Variants in RASSF3 observed in about 807,000 individuals in gnomAD.
The protein encoded by RASSF3 is Ras association domain family member 3, also known as ras association domain-containing protein 3.
In RASSF3, 19 loss-of-function variants were observed where a neutral mutation model predicts 19.9. The ratio of observed to expected loss-of-function variants is 0.96; its 90% CI spans 0.67 to 1.40. The LOEUF is 1.40. Among genes scored for constraint, RASSF3 ranks in the 40% most tolerant of loss-of-function variants. The pLI is 0.00. For synonymous variants in RASSF3, 110 were observed against 104.2 expected, an observed-to-expected ratio of 1.06 and a Z score of -0.34; for missense variants, 306 against 289.8, an observed-to-expected ratio of 1.06 and a Z score of -0.41.
chr12:64,561,867 A>G (rs1242911809), intron 2 of RASSF3, among the ~76,000 whole-genome samples: 1 of 151,602 alleles, frequency 6.6e-6, no homozygotes, highest in East Asian at 1.9e-4. Flanking sequence ...TAATTTTTGT[A>G]TTTGTATACA....
At chr12:64,677,255 G>A (rs539095288) in intron 1 of RASSF3, among the ~76,000 whole-genome samples, 1 of 152,324 alleles carries the variant, frequency 6.6e-6, no homozygotes, top group Non-Finnish European at 1.5e-5. Context: ...TGGCTGCTCT[G>A]ATGGACAGCA....
intron 2 of RASSF3, among the ~76,000 whole-genome samples, chr12:64,566,202 A>G (rs1191521126): frequency 2.0e-5 from 3 of 152,160 alleles, no homozygotes; most frequent in Non-Finnish European, 4.4e-5. Context: ...CTCTGTCTCA[A>G]AAAAAAGTCT....
intron 2 of RASSF3, among the ~76,000 whole-genome samples, chr12:64,573,629 G>A (rs917876915): frequency 6.6e-6 from 1 of 152,070 alleles, no homozygotes; most frequent in Non-Finnish European, 1.5e-5. Flanking sequence ...GTATTTATTG[G>A]TCTCAGGTCC....
intron 2 of RASSF3, among the ~76,000 whole-genome samples, chr12:64,559,155 G>C (rs989326980): frequency 1.3e-5 from 2 of 152,264 alleles, no homozygotes; most frequent in Non-Finnish European, 1.5e-5. Context: ...CCACTGCTTA[G>C]TGATACTGGT....
chr12:64,627,424 G>A (rs1380138825), intron 1 of RASSF3, among the ~76,000 whole-genome samples: 2 of 152,136 alleles, frequency 1.3e-5, no homozygotes, highest in African/African-American at 4.8e-5. Context: ...GCTTACTGTT[G>A]GATGCATCAG....
In RASSF3 at chr12:64,668,680, AT is replaced by A. The variant is rs34052700; in HGVS notation, c.112-16088del. ...TTGGATGTTGACTGTTTTAATTTTGATTTTTTTTTTTTTTTTTTTGAAACGG... is the reference window on the plus strand; with the variant it reads ...TTGGATGTTGACTGTTTTAATTTTGATTTTTTTTTTTTTTTTTTGAAACGG... On this transcript the variant is annotated intron_variant, in intron 1 of 4. Coordinates refer to ENST00000542104, the MANE Select transcript of RASSF3 (RefSeq NM_178169.4). Among the ~76,000 whole-genome samples the A allele has an allele frequency of 9.2e-3, 1,148 of 124,184 alleles. 13 individuals carry two copies. The highest frequency in any genetic ancestry group is 0.029 in the African/African-American group (963 of 32,656). The allele number at this position is 124,184 out of a possible 152,430, so 81.5% of individuals were successfully genotyped here.
Position 64,695,320 on chromosome 12 carries a change from ACTAC to A in RASSF3, c.*411_*414del, listed in dbSNP as rs1868339351. Reference sequence around the variant, plus strand: ...TTCTGAATACTTGTCCTATTTTGAAACTACCTGTCTGGTTTTTTGTTTGGTTTTG... The same window carrying A: ...TTCTGAATACTTGTCCTATTTTGAAACTGTCTGGTTTTTTGTTTGGTTTTG... On this transcript the variant is annotated 3_prime_UTR_variant, in exon 5 of 5. Transcript: ENST00000542104. 6.4e-6 allele frequency: 1 copy of A among 157,274 alleles called. No homozygotes were observed. The highest frequency in any genetic ancestry group is 2.0e-4 in the South Asian group (1 of 4,916). 9.7% of individuals were successfully genotyped at this position (157,274 alleles called of 1,614,324 possible). A position where few individuals can be genotyped will look rare whatever the true frequency, so the allele number is the denominator to read the frequency against.
chr12:64,571,875 A>G (rs1869524518), intron 2 of RASSF3, among the ~76,000 whole-genome samples: 2 of 152,184 alleles, frequency 1.3e-5, no homozygotes. Flanking sequence ...TTGCTGGTAT[A>G]GACAGTGGGG....
At chr12:64,626,202 G>A (rs1870985223) in intron 1 of RASSF3, among the ~76,000 whole-genome samples, 2 of 152,084 alleles carry the variant, frequency 1.3e-5, no homozygotes, top group Non-Finnish European at 2.9e-5. Context: ...TAAAGGGCTT[G>A]GAACTATACC....
intron 2 of RASSF3, 57 bp from the exon 3 acceptor site, chr12:64,688,159 C>T: frequency 1.6e-6 from 2 of 1,212,912 alleles, no homozygotes; most frequent in Non-Finnish European, 2.4e-6. Flanking sequence ...TGATATGCTT[C>T]TTCCCTAAAG....
rs144962275 is a variant in RASSF3 at position 64,636,592 on chromosome 12, G to A, written c.111+25849G>A. Among the ~76,000 whole-genome samples, 272 of 152,010 alleles carry A rather than the reference G, an allele frequency of 1.8e-3. 1 individual carries two copies. Among genetic ancestry groups the A allele is most frequent in the African/African-American group, 5.5e-3 (229 of 41,488 alleles). The stretch of plus-strand genomic sequence containing the variant: ...GTTCCAAAAATTAAAGTAGCCGGGC[G>A]CGGTGGCTCACGCCTGTAATCCCAG... On this transcript the variant is annotated intron_variant, in intron 1 of 4. Transcript: ENST00000542104.
chr12:64,592,451 T>C (rs1350185670), intron 2 of RASSF3, among the ~76,000 whole-genome samples: 1 of 152,180 alleles, frequency 6.6e-6, no homozygotes, highest in Non-Finnish European at 1.5e-5. Context: ...ATGAGGCATT[T>C]ATATTTTTTT....
At chr12:64,610,318 G>A (rs1870292146), upstream of RASSF3, among the ~76,000 whole-genome samples, 1 of 150,800 alleles carries the variant, frequency 6.6e-6, no homozygotes, top group Non-Finnish European at 1.5e-5. Flanking sequence ...CGCCTGGAAG[G>A]GGCGGGCCGG....
chr12:64,660,900 A>C (rs911765882), intron 1 of RASSF3, among the ~76,000 whole-genome samples: 1 of 152,068 alleles, frequency 6.6e-6, no homozygotes, highest in Non-Finnish European at 1.5e-5. Context: ...CTCCCCATCA[A>C]CTTCCCATCT....
intron 1 of RASSF3, among the ~76,000 whole-genome samples, chr12:64,614,301 A>C (rs1870477334): frequency 6.6e-6 from 1 of 151,752 alleles, no homozygotes; most frequent in East Asian, 1.9e-4. Flanking sequence ...ATCCAGCTAA[A>C]TTTTGTAGTA....
intron 1 of RASSF3, among the ~76,000 whole-genome samples, chr12:64,509,193 T>C (rs548316014): frequency 6.6e-6 from 1 of 152,332 alleles, no homozygotes; most frequent in Non-Finnish European, 1.5e-5. Flanking sequence ...CTCATGCTTG[T>C]AATCCCAGCA....
At chr12:64,688,171 G>A (rs141768113) in intron 2 of RASSF3, 45 bp from the exon 3 acceptor site, 1 of 1,345,720 alleles carries the variant, frequency 7.4e-7, no homozygotes, top group Non-Finnish European at 1.1e-6. Flanking sequence ...TCCCTAAAGT[G>A]CCACCATCCA....
At chr12:64,579,819 T>TC (rs1241532891) in intron 2 of RASSF3, among the ~76,000 whole-genome samples, 1 of 150,986 alleles carries the variant, frequency 6.6e-6, no homozygotes, top group Non-Finnish European at 1.5e-5. Flanking sequence ...GTTTTTTTTT[T>TC]TTTTTTTAAA....
intron 1 of RASSF3, among the ~76,000 whole-genome samples, chr12:64,637,905 G>C (rs1871377470): frequency 6.7e-6 from 1 of 149,642 alleles, no homozygotes; most frequent in South Asian, 2.1e-4. Flanking sequence ...AATCTTGGCT[G>C]ACTGCAACCT....
Sources: allele counts gnomAD v4.1 joint callset (sites outside exome capture counted in the v4.1 genomes callset), GRCh38; gene constraint gnomAD v4.1.1; transcripts MANE v1.5; gene names NCBI Gene and HGNC (gene_info 2026-07-23, HGNC 2026-07-21).